The following NT5E variants were observed in gnomAD, a reference collection of about 807,000 sequenced individuals.
NT5E encodes the protein 5'-nucleotidase.
In NT5E, 53 loss-of-function variants were observed where a neutral mutation model predicts 55.1. The observed-to-expected ratio is 0.96, with a 90% CI of 0.77 to 1.21. NT5E has a LOEUF of 1.21. NT5E is among the 50% of genes most tolerant of loss of function. The pLI is 0.00. For synonymous variants in NT5E, 270 were observed against 278.4 expected (o/e 0.97, Z 0.30); for missense variants, 683 against 724.3 (o/e 0.94, Z 0.65).
rs141500039 is a variant in NT5E at position 85,468,454 on chromosome 6, C to T, written c.562+1172C>T. 3.0e-3 allele frequency among the ~76,000 whole-genome samples: 456 copies of T among 152,266 alleles called. 1 individual carries two copies. Among genetic ancestry groups the T allele is most frequent in the African/African-American group, 0.01 (431 of 41,548 alleles). On this transcript the variant is annotated intron_variant, in intron 2 of 8. Transcript: ENST00000257770. ...AACATCCCTGGGGCACAGGACATTCCAGAAGTGAGGTCAGAGTCACAAGCT... is the reference window on the plus strand; with the variant it reads ...AACATCCCTGGGGCACAGGACATTCTAGAAGTGAGGTCAGAGTCACAAGCT...
At chr6:85,459,546 A>G (rs914853826) in intron 1 of NT5E, among the ~76,000 whole-genome samples, 1 of 152,100 alleles carries the variant, frequency 6.6e-6, no homozygotes, top group African/African-American at 2.4e-5. Context: ...CACTTGGAAC[A>G]TTTTTACTGC....
intron 5 of NT5E, among the ~76,000 whole-genome samples, chr6:85,488,576 A>AT (rs1562145419): frequency 9.0e-4 from 134 of 149,600 alleles, no homozygotes; most frequent in African/African-American, 1.9e-3. Flanking sequence ...TATTTATTTA[A>AT]TTAATTAATT....
At chr6:85,487,246 C>A (rs1031736767) in intron 4 of NT5E, 89 bp from the exon 5 acceptor site, 2 of 1,185,292 alleles carry the variant, frequency 1.7e-6, no homozygotes, top group Non-Finnish European at 1.3e-6. Flanking sequence ...GTTCTCACAG[C>A]AAGTAAGATA....
chr6:85,452,518 A>G (rs902834973), intron 1 of NT5E, among the ~76,000 whole-genome samples: 2 of 152,158 alleles, frequency 1.3e-5, no homozygotes, highest in Non-Finnish European at 2.9e-5. Context: ...AATTTTGCTC[A>G]AGAAAATTGA....
intron 1 of NT5E, among the ~76,000 whole-genome samples, 162 bp from the exon 2 acceptor site, chr6:85,466,898 T>C (rs545236640): frequency 6.6e-6 from 1 of 152,268 alleles, no homozygotes; most frequent in East Asian, 1.9e-4. Flanking sequence ...GTAGCAATTC[T>C]CAAGCAATGT....
Sources: allele counts gnomAD v4.1 joint callset (sites outside exome capture counted in the v4.1 genomes callset), GRCh38; gene constraint gnomAD v4.1.1; transcripts MANE v1.5; gene names NCBI Gene and HGNC (gene_info 2026-07-23, HGNC 2026-07-21).